Variants in ADGRV1 observed in about 807,000 individuals in gnomAD.
ADGRV1 encodes adhesion G protein-coupled receptor V1.
ADGRV1 carries 359 observed loss-of-function variants against 596.2 expected under a neutral mutation model. The ratio of observed to expected loss-of-function variants is 0.60; its 90% CI spans 0.55 to 0.66. The LOEUF is 0.66. ADGRV1 is among the 30% of genes least tolerant of loss of function. ADGRV1 has a pLI of 0.00. For synonymous variants in ADGRV1, 2,681 were observed against 2,679.2 expected (o/e 1.00, Z -0.02); for missense variants, 7,274 against 7,575.6 (o/e 0.96, Z 1.48).
intron 89 of ADGRV1, among the ~76,000 whole-genome samples, chr5:91,157,708 A>G (rs1796587396): frequency 6.6e-6 from 1 of 152,232 alleles, no homozygotes; most frequent in South Asian, 2.1e-4. Flanking sequence ...CAGTTCAACA[A>G]ATCAACATGA....
chr5:91,155,537 A>C (rs1796409397), intron 89 of ADGRV1, among the ~76,000 whole-genome samples: 1 of 152,184 alleles, frequency 6.6e-6, no homozygotes, highest in Admixed American at 6.5e-5. Flanking sequence ...TCCCTGACCC[A>C]GTATATTTGG....
At chr5:91,076,798 C>G (rs567585825) in intron 86 of ADGRV1, among the ~76,000 whole-genome samples, 2 of 152,142 alleles carry the variant, frequency 1.3e-5, no homozygotes. Flanking sequence ...CTCACCTCTA[C>G]TTGAATATGC....
intron 83 of ADGRV1, among the ~76,000 whole-genome samples, chr5:90,943,820 T>A (rs746874071): frequency 5.3e-5 from 8 of 152,102 alleles, no homozygotes; most frequent in Non-Finnish European, 1.2e-4. Context: ...CATGGCCTTC[T>A]TATAAGAACA....
intron 52 of ADGRV1, among the ~76,000 whole-genome samples, chr5:90,748,701 C>T (rs1415179318): frequency 6.6e-6 from 1 of 152,062 alleles, no homozygotes; most frequent in African/African-American, 2.4e-5. Context: ...GATACCTTAC[C>T]AGAAAGATCA....
Position 90,787,576 on chromosome 5 carries a change from GTCTT to G in ADGRV1, c.13654-481_13654-478del, listed in dbSNP as rs1289221149. Among the ~76,000 whole-genome samples, 11 of 144,534 alleles carry G rather than the reference GTCTT, an allele frequency of 7.6e-5. No homozygotes were observed. In the East Asian group the frequency reaches 1.0e-3, roughly 13 times the overall value. 94.8% of individuals were successfully genotyped at this position (144,534 alleles called of 152,430 possible). On this transcript the variant is annotated intron_variant, in intron 67 of 89. Coordinates refer to ENST00000405460, the MANE Select transcript of ADGRV1 (RefSeq NM_032119.4). The stretch of plus-strand genomic sequence containing the variant: ...AGTTTATAGTTGCAAATATCTTTTT[GTCTT>G]TCTTTCTTTCTTTTTTTTTTTTTTT...
rs376691906 is a variant in ADGRV1, at chr5:90,774,315, T to G, written c.12403+12T>G. ...ATCTCCAGTAAAAGGTAAGAGAAAT[T>G]CACATTTTTGGAAATTAAAAAGTAA... On this transcript the variant is annotated intron_variant, in intron 60 of 89. Coordinates refer to ENST00000405460, the MANE Select transcript of ADGRV1 (RefSeq NM_032119.4). 1.0e-4 allele frequency: 150 copies of G among 1,431,720 alleles called. No individual in the cohort carries two copies. The highest frequency in any genetic ancestry group is 1.5e-4 in the Non-Finnish European group (149 of 1,016,164). 88.7% of individuals were successfully genotyped at this position (1,431,720 alleles called of 1,614,324 possible).
chr5:90,753,956 A>G (rs2149967038), intron 54 of ADGRV1, 127 bp downstream of exon 54: 2 of 885,470 alleles, frequency 2.3e-6, no homozygotes, highest in Non-Finnish European at 3.3e-6. Flanking sequence ...GTCATACTCA[A>G]TCCTTTTTGT....
chr5:90,960,859 C>G (rs549150426), intron 83 of ADGRV1, among the ~76,000 whole-genome samples: 2 of 152,052 alleles, frequency 1.3e-5, no homozygotes, highest in East Asian at 1.9e-4. Flanking sequence ...GAATGGTGTA[C>G]GAAGAGTCTT....
rs1449592094 is a variant in ADGRV1 at position 91,096,245 on chromosome 5, A to T, written c.18311-5974A>T. On this transcript the variant is annotated intron_variant, in intron 86 of 89. Coordinates refer to ENST00000405460, the MANE Select transcript of ADGRV1 (RefSeq NM_032119.4). The stretch of plus-strand genomic sequence containing the variant: ...ATGTAAATGGAGTGTGATTTCCATA[A>T]TAAAGCCATTATTGTTGTCAGTGGT... 2.0e-5 allele frequency among the ~76,000 whole-genome samples: 3 copies of T among 152,242 alleles called. No homozygotes were observed. In the East Asian group the frequency reaches 5.8e-4, roughly 29 times the overall value.
intron 70 of ADGRV1, among the ~76,000 whole-genome samples, chr5:90,802,251 C>T (rs1286913670): frequency 6.6e-6 from 1 of 152,112 alleles, no homozygotes; most frequent in Non-Finnish European, 1.5e-5. Flanking sequence ...GAGTCTTGCA[C>T]TGTTGCCAGG....
chr5:90,733,025 A>G (rs919477197), intron 50 of ADGRV1, among the ~76,000 whole-genome samples: 2 of 152,202 alleles, frequency 1.3e-5, no homozygotes, highest in Non-Finnish European at 2.9e-5. Context: ...GCTTTGGTGT[A>G]TAGAATATGC....
Position 90,811,243 on chromosome 5 carries a change from T to A in ADGRV1, c.15983T>A (p.Phe5328Tyr). The A allele has an allele frequency of 6.2e-7, 1 of 1,612,572 alleles. No individual in the cohort carries two copies. Among genetic ancestry groups the A allele is most frequent in the Non-Finnish European group, 8.5e-7 (1 of 1,179,138 alleles). Reference protein sequence around the residue: ...DDDEPEGQEFFYVFLTNPQGG... With the variant: ...DDDEPEGQEFYYVFLTNPQGG... ...GATGAGCCTGAGGGGCAGGAATTCT[T>A]CTACGTGTTTCTCACAAACCCTCAA... is the stretch of plus-strand genomic sequence containing the variant. The change falls in exon 74 of 90, where the codon TTC (phenylalanine) becomes TAC (tyrosine). Residue 5328 changes from phenylalanine to tyrosine, a missense_variant. By Grantham distance (22) the Phe-to-Tyr change is conservative. Coordinates refer to ENST00000405460, the MANE Select transcript of ADGRV1 (RefSeq NM_032119.4).
At chr5:91,127,448 A>G (rs544199964) in intron 87 of ADGRV1, among the ~76,000 whole-genome samples, 1 of 151,670 alleles carries the variant, frequency 6.6e-6, no homozygotes, top group South Asian at 2.1e-4. Flanking sequence ...TGAGGCAGGA[A>G]GATCCCTTGA....
chr5:90,985,128 C>T (rs1780381456), intron 84 of ADGRV1, among the ~76,000 whole-genome samples: 1 of 151,972 alleles, frequency 6.6e-6, no homozygotes, highest in African/African-American at 2.4e-5. Flanking sequence ...TAAATATTTC[C>T]CTGTGTTTCC....
At chr5:90,855,005 T>G (rs185061005) in intron 81 of ADGRV1, among the ~76,000 whole-genome samples, 2 of 152,296 alleles carry the variant, frequency 1.3e-5, no homozygotes, top group East Asian at 3.9e-4. Flanking sequence ...AAATCTTCAA[T>G]ATATAATTAA....
At chr5:90,586,110 A>AT (rs764090982) in intron 1 of ADGRV1, among the ~76,000 whole-genome samples, 20 of 152,298 alleles carry the variant, frequency 1.3e-4, no homozygotes, top group Non-Finnish European at 2.1e-4. Context: ...GCCATTAAAT[A>AT]TTTTTATTAT....
intron 85 of ADGRV1, among the ~76,000 whole-genome samples, chr5:91,011,558 C>T (rs1221963005): frequency 6.6e-6 from 1 of 151,942 alleles, no homozygotes; most frequent in Non-Finnish European, 1.5e-5. Context: ...CTTTTGTAGA[C>T]ACTCTATATG....
chr5:90,756,941 A>G (rs777792698), intron 56 of ADGRV1, 38 bp from the exon 57 acceptor site: 1 of 1,468,904 alleles, frequency 6.8e-7, no homozygotes, highest in Non-Finnish European at 9.2e-7. Flanking sequence ...GAGAGTTACC[A>G]TTTTATCTTG....
intron 87 of ADGRV1, among the ~76,000 whole-genome samples, chr5:91,147,294 A>G (rs937630134): frequency 6.6e-6 from 1 of 151,984 alleles, no homozygotes; most frequent in Non-Finnish European, 1.5e-5. Context: ...GATTCCTAAC[A>G]TGTTCTGTAA....
Sources: allele counts gnomAD v4.1 joint callset (sites outside exome capture counted in the v4.1 genomes callset), GRCh38; gene constraint gnomAD v4.1.1; transcripts MANE v1.5; gene names NCBI Gene and HGNC (gene_info 2026-07-23, HGNC 2026-07-21).